The following PHF21B variants were observed in gnomAD, a reference collection of about 807,000 sequenced individuals.
PHF21B encodes the protein PHD finger protein 4.
PHF21B carries 22 observed loss-of-function variants against 62.2 expected under a neutral mutation model. The ratio of observed to expected loss-of-function variants is 0.35; its 90% CI spans 0.25 to 0.51. The LOEUF (loss-of-function observed/expected upper bound fraction) is 0.51. Ranked by LOEUF, PHF21B falls within the 20% of genes least tolerant of loss-of-function variation. PHF21B has a pLI of 0.97. For synonymous variants in PHF21B, 341 were observed against 314.7 expected (o/e 1.08, Z -0.88); for missense variants, 701 against 707.9 (o/e 0.99, Z 0.11).
chr22:44,989,622 T>G (rs943241690), intron 2 of PHF21B: 5 of 146,560 alleles, frequency 3.4e-5, no homozygotes, highest in Non-Finnish European at 6.0e-5. Flanking sequence ...TTTTTTTTTT[T>G]TTTTTTGAGA....
intron 2 of PHF21B, among the ~76,000 whole-genome samples, chr22:44,929,129 T>C (rs2071691375): frequency 6.6e-6 from 1 of 152,268 alleles, no homozygotes; most frequent in South Asian, 2.1e-4. Context: ...ACTGCTGTGA[T>C]GTGTGGCAAA....
At chr22:44,946,487 G>C (rs1045561499) in intron 2 of PHF21B, among the ~76,000 whole-genome samples, 27 of 152,106 alleles carry the variant, frequency 1.8e-4, no homozygotes, top group African/African-American at 6.0e-4. Context: ...AGGAAACACG[G>C]AAAGTCCTGT....
chr22:44,932,241 G>A (rs539997694), intron 2 of PHF21B, among the ~76,000 whole-genome samples: 1 of 152,338 alleles, frequency 6.6e-6, no homozygotes, highest in African/African-American at 2.4e-5. Flanking sequence ...AGGGCAGATT[G>A]GGGGGCGAAT....
At chr22:44,885,585 G>A (rs1017644589) in intron 11 of PHF21B, 56 bp from the exon 12 acceptor site, 19 of 1,498,356 alleles carry the variant, frequency 1.3e-5, no homozygotes, top group East Asian at 7.4e-5. Flanking sequence ...CGGCTGGGTC[G>A]TAGAGTAAAT....
chr22:45,004,450 G>A (rs1229755542), intron 2 of PHF21B, among the ~76,000 whole-genome samples: 1 of 152,222 alleles, frequency 6.6e-6, no homozygotes, highest in African/African-American at 2.4e-5. Flanking sequence ...GGTGAAACCG[G>A]GCTAGGCCTT....
intron 6 of PHF21B, 89 bp downstream of exon 6, chr22:44,895,943 C>T: frequency 7.0e-7 from 1 of 1,437,084 alleles, no homozygotes; most frequent in Non-Finnish European, 9.8e-7. Flanking sequence ...TGCTGAAGCC[C>T]AGACCACCCA....
rs2072973400 is a variant in PHF21B at position 44,987,585 on chromosome 22, G to A, written c.120+20960C>T. Among the ~76,000 whole-genome samples, 4 of 152,200 alleles carry A rather than the reference G, an allele frequency of 2.6e-5. No individual in the cohort carries two copies. In the Middle Eastern group the frequency reaches 0.01, roughly 391 times the overall value. ...GTGAAGTTGGGGAGGCTGTGCACAG[G>A]GTTAGAGCTCAGAGGAAGAAATCCC... On this transcript the variant is annotated intron_variant, in intron 2 of 12. Transcript: ENST00000313237.
rs969635052 is a variant in PHF21B at position 44,881,666 on chromosome 22, G to A, written c.*1420C>T. Reference sequence around the variant, plus strand: ...CTCCTCGCTCTGCACCTCTGCGTGTGTGCATGCGTGTCTGTGGTCGTGGCC... The same window carrying A: ...CTCCTCGCTCTGCACCTCTGCGTGTATGCATGCGTGTCTGTGGTCGTGGCC... On this transcript the variant is annotated 3_prime_UTR_variant, in exon 13 of 13. Transcript: ENST00000313237. The A allele has an allele frequency of 1.3e-5, 2 of 152,696 alleles. No homozygotes were observed. The highest frequency in any genetic ancestry group is 4.8e-5 in the African/African-American group (2 of 41,470). The allele number at this position is 152,696 out of a possible 1,614,324, so 9.5% of individuals were successfully genotyped here.
At chr22:44,937,031 CT>C (rs1332359459) in intron 2 of PHF21B, among the ~76,000 whole-genome samples, 1 of 151,946 alleles carries the variant, frequency 6.6e-6, no homozygotes, top group Admixed American at 6.6e-5. Flanking sequence ...CACCCAGCTA[CT>C]TTTTTGTATT....
At chr22:44,885,629 G>A in intron 11 of PHF21B, 100 bp from the exon 12 acceptor site, 2 of 1,228,908 alleles carry the variant, frequency 1.6e-6, no homozygotes, top group Non-Finnish European at 2.3e-6. Context: ...CAAGGCCTAG[G>A]ACATCCCCCT....
chr22:44,920,648 G>A (rs1166781633), intron 2 of PHF21B, among the ~76,000 whole-genome samples, 158 bp from the exon 3 acceptor site: 5 of 152,170 alleles, frequency 3.3e-5, no homozygotes, highest in South Asian at 2.1e-4. Context: ...AATAGTAATC[G>A]ATATTCCTTC....
At chr22:44,901,321 C>T (rs2071154934) in intron 5 of PHF21B, among the ~76,000 whole-genome samples, 1 of 152,230 alleles carries the variant, frequency 6.6e-6, no homozygotes, top group African/African-American at 2.4e-5. Context: ...GGTGCCTCCA[C>T]TTCCTCACAT....
rs567800208 is a variant in PHF21B at position 44,915,797 on chromosome 22, C to A, written c.564+483G>T. On this transcript the variant is annotated intron_variant, in intron 4 of 12. Transcript: ENST00000313237. ...CCACCAGGAGCTCGGAGGGGAGCAGCGGGAGGACCTTAGTTTTAGTTTTAA... is the reference window on the plus strand; with the variant it reads ...CCACCAGGAGCTCGGAGGGGAGCAGAGGGAGGACCTTAGTTTTAGTTTTAA... Among the ~76,000 whole-genome samples, 4 of 152,244 alleles carry A rather than the reference C, an allele frequency of 2.6e-5. No individual in the cohort carries two copies. The South Asian group carries it at 8.3e-4, about 32-fold the overall frequency.
rs139396003 is a variant in PHF21B at position 44,952,090 on chromosome 22, C to G, written c.121-31600G>C. Among the ~76,000 whole-genome samples the G allele has an allele frequency of 1.7e-3, 262 of 152,256 alleles. 2 individuals carry two copies. Among genetic ancestry groups the G allele is most frequent in the African/African-American group, 6.0e-3 (251 of 41,548 alleles). Reference sequence around the variant, plus strand: ...GGGTACGGTGGCTCACACCTGTAATCCCAGCACCTATGGAGGCCAAGGCAG... The same window carrying G: ...GGGTACGGTGGCTCACACCTGTAATGCCAGCACCTATGGAGGCCAAGGCAG... On this transcript the variant is annotated intron_variant, in intron 2 of 12. Coordinates refer to ENST00000313237, the MANE Select transcript of PHF21B (RefSeq NM_138415.5).
intron 2 of PHF21B, among the ~76,000 whole-genome samples, chr22:44,947,434 C>T (rs1601631034): frequency 1.3e-5 from 2 of 152,342 alleles, no homozygotes; most frequent in Admixed American, 6.5e-5. Context: ...TCCTGGCCAG[C>T]GCCAGGGCCC....
intron 12 of PHF21B, 91 bp downstream of exon 12, chr22:44,885,335 C>T: frequency 2.4e-6 from 3 of 1,248,898 alleles, no homozygotes; most frequent in East Asian, 2.6e-5. Flanking sequence ...TGGATCTACA[C>T]CTGTGGTTCT....
chr22:44,988,186 C>T (rs2072985895), intron 2 of PHF21B, among the ~76,000 whole-genome samples: 1 of 152,236 alleles, frequency 6.6e-6, no homozygotes, highest in South Asian at 2.1e-4. Flanking sequence ...CAAGGCGAGG[C>T]ATGGTGGCTC....
At chr22:44,984,954 G>A (rs944725458) in intron 2 of PHF21B, among the ~76,000 whole-genome samples, 1 of 152,158 alleles carries the variant, frequency 6.6e-6, no homozygotes, top group Non-Finnish European at 1.5e-5. Flanking sequence ...CCTGGAAAAT[G>A]CTACCTGAGT....
At chr22:45,007,064 G>A (rs1449344244) in intron 2 of PHF21B, among the ~76,000 whole-genome samples, 1 of 151,760 alleles carries the variant, frequency 6.6e-6, no homozygotes, top group Non-Finnish European at 1.5e-5. Context: ...CGGCGGGAAT[G>A]GAAGCTTCCA....
Sources: allele counts gnomAD v4.1 joint callset (sites outside exome capture counted in the v4.1 genomes callset), GRCh38; gene constraint gnomAD v4.1.1; transcripts MANE v1.5; gene names NCBI Gene and HGNC (gene_info 2026-07-23, HGNC 2026-07-21).